Variants in MSRA observed in about 807,000 individuals in gnomAD.
MSRA encodes the protein methionine sulfoxide reductase A.
In MSRA, 54 loss-of-function variants were observed where a neutral mutation model predicts 31.3. The ratio of observed to expected loss-of-function variants is 1.73; its 90% CI spans 1.39 to 2.17. The LOEUF (loss-of-function observed/expected upper bound fraction) is 2.17. Ranked by LOEUF, MSRA falls within the 30% of genes most tolerant of loss-of-function variation. The pLI, the probability that MSRA is intolerant of heterozygous loss-of-function variation, is 0.00. For synonymous variants in MSRA, 169 were observed against 116.5 expected (o/e 1.45, Z -2.90); for missense variants, 507 against 300.9 (o/e 1.69, Z -5.07).
chr8:10,056,476 G>T (rs1437017981), intron 1 of MSRA, among the ~76,000 whole-genome samples: 1 of 150,620 alleles, frequency 6.6e-6, no homozygotes, highest in East Asian at 1.9e-4. Context: ...CCATATAGCT[G>T]TGAGTGTTTT....
rs140500866 is a variant in MSRA at position 10,395,190 on chromosome 8, A to T, written c.544-32958A>T. Among the ~76,000 whole-genome samples the T allele has an allele frequency of 6.5e-3, 983 of 152,248 alleles. 11 individuals carry two copies. The highest frequency in any genetic ancestry group is 0.021 in the African/African-American group (863 of 41,550). On this transcript the variant is annotated intron_variant, in intron 5 of 5. Coordinates refer to ENST00000317173, the MANE Select transcript of MSRA (RefSeq NM_012331.5). ...GGAAGACTTTGCAGAGCATGGTCCTATTTAAGAGTGTGCTTTGAAAGATGT... is the reference window on the plus strand; with the variant it reads ...GGAAGACTTTGCAGAGCATGGTCCTTTTTAAGAGTGTGCTTTGAAAGATGT...
intron 1 of MSRA, among the ~76,000 whole-genome samples, chr8:10,104,113 C>A (rs114623439): frequency 0.01 from 1,528 of 152,226 alleles, 26 homozygotes; most frequent in African/African-American, 0.033. Flanking sequence ...AGCCATTCTT[C>A]TGTGGATGGG....
intron 4 of MSRA, among the ~76,000 whole-genome samples, chr8:10,311,475 G>GC (rs1008847662): frequency 6.6e-6 from 1 of 152,008 alleles, no homozygotes; most frequent in East Asian, 1.9e-4. Flanking sequence ...CCACACCTGG[G>GC]GGGGCGCCTT....
intron 1 of MSRA, among the ~76,000 whole-genome samples, chr8:10,162,877 C>T (rs1196350513): frequency 2.0e-5 from 3 of 152,180 alleles, no homozygotes; most frequent in Non-Finnish European, 2.9e-5. Context: ...TCAGCCACGA[C>T]AGTCGTGTGT....
intron 3 of MSRA, among the ~76,000 whole-genome samples, chr8:10,283,676 G>A (rs542528682): frequency 5.3e-5 from 8 of 151,150 alleles, no homozygotes; most frequent in African/African-American, 1.7e-4. Flanking sequence ...CCACTTATGA[G>A]TGAGAACATA....
chr8:10,308,143 G>C (rs940032312), intron 4 of MSRA, among the ~76,000 whole-genome samples: 1 of 152,148 alleles, frequency 6.6e-6, no homozygotes, highest in Non-Finnish European at 1.5e-5. Flanking sequence ...CTTTAGGCAA[G>C]AACTCTTGTT....
At chr8:10,354,857 G>A (rs1181244341) in intron 5 of MSRA, among the ~76,000 whole-genome samples, 7 of 150,954 alleles carry the variant, frequency 4.6e-5, no homozygotes, top group South Asian at 4.2e-4. Flanking sequence ...CTTATTTAAC[G>A]GCTTTAGTGT....
intron 3 of MSRA, among the ~76,000 whole-genome samples, chr8:10,280,743 A>G (rs1799578361): frequency 6.6e-6 from 1 of 152,232 alleles, no homozygotes; most frequent in Admixed American, 6.5e-5. Flanking sequence ...GCATTATTTG[A>G]CTATTCATAA....
At chr8:10,088,989 T>A (rs550444420) in intron 1 of MSRA, among the ~76,000 whole-genome samples, 1 of 152,018 alleles carries the variant, frequency 6.6e-6, no homozygotes, top group Admixed American at 6.5e-5. Context: ...GGGTTGCGGG[T>A]GGGGAGAGGA....
intron 2 of MSRA, among the ~76,000 whole-genome samples, chr8:10,231,798 G>A (rs112346640): frequency 9.6e-4 from 146 of 152,322 alleles, no homozygotes; most frequent in Middle Eastern, 3.4e-3. Flanking sequence ...AACTACTTGG[G>A]AGGCTGAGGC....
At chr8:10,423,569 C>T (rs2129196899) in intron 5 of MSRA, among the ~76,000 whole-genome samples, 2 of 152,262 alleles carry the variant, frequency 1.3e-5, no homozygotes, top group Middle Eastern at 3.4e-3. Flanking sequence ...CAGTCTTCGT[C>T]CCCTATCTCC....
chr8:10,098,853 A>C (rs149939453), intron 1 of MSRA, among the ~76,000 whole-genome samples: 1 of 152,236 alleles, frequency 6.6e-6, no homozygotes, highest in African/African-American at 2.4e-5. Context: ...GCTAGATCTT[A>C]CATATGTCAA....
At chr8:10,179,358 T>G (rs1733847878) in intron 1 of MSRA, among the ~76,000 whole-genome samples, 1 of 152,190 alleles carries the variant, frequency 6.6e-6, no homozygotes, top group African/African-American at 2.4e-5. Flanking sequence ...CTGTAAGGGT[T>G]GGTGTCTTCA....
chr8:10,223,971 C>G (rs1810758593), intron 2 of MSRA, among the ~76,000 whole-genome samples: 1 of 152,152 alleles, frequency 6.6e-6, no homozygotes. Flanking sequence ...GGGTTCAAAT[C>G]CCAGCTCTAC....
At chr8:10,361,063 G>A (rs1464054908) in intron 5 of MSRA, among the ~76,000 whole-genome samples, 5 of 152,214 alleles carry the variant, frequency 3.3e-5, no homozygotes, top group African/African-American at 1.2e-4. Context: ...CAACTCCTTG[G>A]TGGCCCGTTT....
At chr8:10,062,983 C>G (rs1797284522) in intron 1 of MSRA, among the ~76,000 whole-genome samples, 1 of 152,146 alleles carries the variant, frequency 6.6e-6, no homozygotes, top group African/African-American at 2.4e-5. Flanking sequence ...TTGCTTTCTT[C>G]TCTCACGCTT....
chr8:10,329,794 G>A (rs945670695), intron 5 of MSRA, among the ~76,000 whole-genome samples: 9 of 151,842 alleles, frequency 5.9e-5, no homozygotes, highest in Middle Eastern at 3.4e-3. Context: ...GTTTCCCAGC[G>A]AGATGGGATT....
At chr8:10,234,527 A>G (rs970134390) in intron 2 of MSRA, among the ~76,000 whole-genome samples, 77 of 152,082 alleles carry the variant, frequency 5.1e-4, no homozygotes, top group African/African-American at 1.8e-3. Flanking sequence ...GGAGAGAGAA[A>G]ATGAGGGAAA....
At chr8:10,380,974 AGGAT>A (rs910656401) in intron 5 of MSRA, among the ~76,000 whole-genome samples, 4 of 151,748 alleles carry the variant, frequency 2.6e-5, no homozygotes, top group African/African-American at 4.8e-5. Context: ...GATGGGTAGA[AGGAT>A]GGATGGATGA....
Sources: gnomAD v4.1 joint callset for allele counts (sites outside exome capture counted in the v4.1 genomes callset) on GRCh38, gnomAD v4.1.1 for gene constraint, MANE v1.5 for transcripts, NCBI Gene and HGNC (gene_info 2026-07-23, HGNC 2026-07-21) for gene names.